Variants in CFAP77 observed in about 807,000 individuals in gnomAD.
The protein encoded by CFAP77 is cilia- and flagella-associated protein 77.
A neutral mutation model predicts 31.1 loss-of-function variants in CFAP77; 25 were observed. That is an observed-to-expected ratio of 0.80 (90% CI 0.59 to 1.12). The LOEUF (loss-of-function observed/expected upper bound fraction) is 1.12. Ranked by LOEUF, CFAP77 falls within the 50% of genes most tolerant of loss-of-function variation. The pLI is 0.00. For synonymous variants in CFAP77, 151 were observed against 159.9 expected (o/e 0.94, Z 0.42); for missense variants, 377 against 397.3 (o/e 0.95, Z 0.44).
intron 1 of CFAP77, among the ~76,000 whole-genome samples, chr9:132,470,344 G>A (rs1326084427): frequency 6.6e-6 from 1 of 152,194 alleles, no homozygotes; most frequent in East Asian, 1.9e-4. Flanking sequence ...GGCTCAGCAG[G>A]TTGCGCCTTA....
rs1477135165 is a variant in CFAP77, at chr9:132,499,727, ACT to A, written c.524+134_524+135del. On this transcript the variant is annotated intron_variant, in intron 3 of 5. Transcript: ENST00000393216. The surrounding 1 kb of genome is among the most constrained non-coding windows in gnomAD (Gnocchi z 5.4). ...CAGCCCCACTGTCCTCTCTTCAATGACTCTCTCTTGTGTGACCTCTATAGCCA... is the reference window on the plus strand; with the variant it reads ...CAGCCCCACTGTCCTCTCTTCAATGACTCTCTTGTGTGACCTCTATAGCCA... The A allele has an allele frequency of 4.8e-6, 4 of 831,976 alleles. 1 individual carries two copies. The highest frequency in any genetic ancestry group is 4.4e-5 in the Admixed American group (2 of 45,924). 51.5% of individuals were successfully genotyped at this position (831,976 alleles called of 1,614,324 possible). A position where few individuals can be genotyped will look rare whatever the true frequency, so the allele number is the denominator to read the frequency against.
chr9:132,486,604 C>T (rs1157701959), intron 1 of CFAP77, among the ~76,000 whole-genome samples: 2 of 152,360 alleles, frequency 1.3e-5, no homozygotes, highest in African/African-American at 4.8e-5. Flanking sequence ...TCCAACCTCT[C>T]ACGTTCGCCT....
At chr9:132,415,244 C>A (rs896539142) in intron 1 of CFAP77, among the ~76,000 whole-genome samples, 1 of 152,146 alleles carries the variant, frequency 6.6e-6, no homozygotes, top group Non-Finnish European at 1.5e-5. Context: ...TGGGTTGATC[C>A]ATCCTTACAA....
At chr9:132,555,675 A>G (rs1852891762) in intron 5 of CFAP77, among the ~76,000 whole-genome samples, 1 of 152,142 alleles carries the variant, frequency 6.6e-6, no homozygotes, top group Non-Finnish European at 1.5e-5. Context: ...TCCCAGCCCA[A>G]TCCTTCATCA....
At chr9:132,465,435 C>T (rs1410256766) in intron 1 of CFAP77, among the ~76,000 whole-genome samples, 2 of 152,138 alleles carry the variant, frequency 1.3e-5, no homozygotes, top group South Asian at 2.1e-4. Context: ...GAGTATGATA[C>T]AGCCAGGAAA....
At position 132,552,869 on chromosome 9, in the gene CFAP77, G is replaced by A. The variant is rs531730931; in HGVS notation, c.732+9822G>A. Among the ~76,000 whole-genome samples the A allele has an allele frequency of 5.3e-5, 8 of 152,230 alleles. No individual in the cohort carries two copies. The highest frequency in any genetic ancestry group is 1.9e-4 in the East Asian group (1 of 5,182). On this transcript the variant is annotated intron_variant, in intron 5 of 5. Transcript: ENST00000393216. The surrounding 1 kb of genome is among the most constrained non-coding windows in gnomAD (Gnocchi z 5.5). ...TATGTGTTTACTGTGGCAGGTGGATGTATTTTCATATGTTTGACATGAGGC... is the reference window on the plus strand; with the variant it reads ...TATGTGTTTACTGTGGCAGGTGGATATATTTTCATATGTTTGACATGAGGC...
In CFAP77 at chr9:132,455,441, G is replaced by C. The variant is rs946674062; in HGVS notation, c.196-43254G>C. On this transcript the variant is annotated intron_variant, in intron 1 of 5. Transcript: ENST00000393216. This position sits in a 1 kb window ranked among gnomAD's most constrained non-coding sequence, Gnocchi z 4.1. ...GAGGACTGCTTGAAACCAGGAGGTG[G>C]AGGTTGCGGTGAGCTGAGATCGTGC... Among the ~76,000 whole-genome samples, 1 of 151,926 alleles carries C rather than the reference G, an allele frequency of 6.6e-6. No individual in the cohort carries two copies. Among genetic ancestry groups the C allele is most frequent in the South Asian group, 2.1e-4 (1 of 4,788 alleles).
rs889839631 is a variant in CFAP77 at position 132,490,059 on chromosome 9, C to G, written c.196-8636C>G. Among the ~76,000 whole-genome samples, 1 of 152,120 alleles carries G rather than the reference C, an allele frequency of 6.6e-6. No homozygotes were observed. Among genetic ancestry groups the G allele is most frequent in the Non-Finnish European group, 1.5e-5 (1 of 68,014 alleles). Reference sequence around the variant, plus strand: ...CTGGTGAGAGCCTAGTCTTTGCTTCCAAGATGGTGCCTTGGTGCTGTATCC... The same window carrying G: ...CTGGTGAGAGCCTAGTCTTTGCTTCGAAGATGGTGCCTTGGTGCTGTATCC... On this transcript the variant is annotated intron_variant, in intron 1 of 5. Coordinates refer to ENST00000393216, the MANE Select transcript of CFAP77 (RefSeq NM_001282957.2). This position sits in a 1 kb window ranked among gnomAD's most constrained non-coding sequence, Gnocchi z 4.6.
intron 1 of CFAP77, among the ~76,000 whole-genome samples, chr9:132,414,119 T>C (rs1850057337): frequency 6.6e-6 from 1 of 152,212 alleles, no homozygotes; most frequent in Non-Finnish European, 1.5e-5. Flanking sequence ...AATTAACCAA[T>C]GACAATCCAG....
chr9:132,440,100 G>T (rs1850590358), intron 1 of CFAP77, among the ~76,000 whole-genome samples: 1 of 152,084 alleles, frequency 6.6e-6, no homozygotes, highest in Non-Finnish European at 1.5e-5. Context: ...GGAGGCCGAG[G>T]CGAGGGGATC....
chr9:132,520,682 T>G (rs915107256), intron 3 of CFAP77, among the ~76,000 whole-genome samples: 1 of 152,222 alleles, frequency 6.6e-6, no homozygotes, highest in Non-Finnish European at 1.5e-5. Context: ...AAGTCTCTCA[T>G]GTCCCTTCTC....
rs577069588 is a variant in CFAP77, at chr9:132,497,371, C to A, written c.196-1324C>A. ...ACAGCGAGGCCAGAGCCCACCAGACCCTCTGGACAGTCTTTGGCGCAGCCA... is the reference window on the plus strand; with the variant it reads ...ACAGCGAGGCCAGAGCCCACCAGACACTCTGGACAGTCTTTGGCGCAGCCA... On this transcript the variant is annotated intron_variant, in intron 1 of 5. Coordinates refer to ENST00000393216, the MANE Select transcript of CFAP77 (RefSeq NM_001282957.2). This position sits in a 1 kb window ranked among gnomAD's most constrained non-coding sequence, Gnocchi z 4.9. Among the ~76,000 whole-genome samples the A allele has an allele frequency of 3.9e-5, 6 of 152,344 alleles. No individual in the cohort carries two copies. In the East Asian group the frequency reaches 1.2e-3, roughly 29 times the overall value.
At chr9:132,415,549 T>C (rs1480028954) in intron 1 of CFAP77, among the ~76,000 whole-genome samples, 1 of 152,228 alleles carries the variant, frequency 6.6e-6, no homozygotes, top group African/African-American at 2.4e-5. Context: ...AGGTTCCTCC[T>C]GTTGAACTCA....
At chr9:132,419,139 A>G (rs916454372) in intron 1 of CFAP77, among the ~76,000 whole-genome samples, 15 of 152,224 alleles carry the variant, frequency 9.9e-5, no homozygotes, top group Non-Finnish European at 2.1e-4. Context: ...GATTGTGGAA[A>G]ACACATAATG....
intron 1 of CFAP77, among the ~76,000 whole-genome samples, chr9:132,442,670 C>T (rs1001817395): frequency 5.4e-5 from 8 of 148,258 alleles, no homozygotes; most frequent in African/African-American, 1.2e-4. Flanking sequence ...TTTTTTTCAT[C>T]GAGGCAAAAT....
intron 1 of CFAP77, among the ~76,000 whole-genome samples, chr9:132,453,579 T>A (rs1158728129): frequency 3.3e-5 from 5 of 152,156 alleles, no homozygotes; most frequent in Non-Finnish European, 7.4e-5. Context: ...TGGAAGGAAA[T>A]ATATATCATG....
Position 132,517,762 on chromosome 9 carries a change from C to T in CFAP77, c.524+18162C>T, listed in dbSNP as rs768593108. On this transcript the variant is annotated intron_variant, in intron 3 of 5. Coordinates refer to ENST00000393216, the MANE Select transcript of CFAP77 (RefSeq NM_001282957.2). The surrounding 1 kb of genome is among the most constrained non-coding windows in gnomAD (Gnocchi z 4.7). ...ATCAGAGCTGTCAGCCCTCATCCCC[C>T]GCACACACAAAGTGTCAGCCTAATG... Among the ~76,000 whole-genome samples, 12 of 152,252 alleles carry T rather than the reference C, an allele frequency of 7.9e-5. No homozygotes were observed. The highest frequency in any genetic ancestry group is 1.2e-4 in the Non-Finnish European group (8 of 68,048).
At chr9:132,410,769 T>A (rs563687699) in intron 1 of CFAP77, among the ~76,000 whole-genome samples, 1 of 152,284 alleles carries the variant, frequency 6.6e-6, no homozygotes, top group East Asian at 1.9e-4. Flanking sequence ...AAGGCTGCAA[T>A]GGGTGCTGCT....
intron 5 of CFAP77, among the ~76,000 whole-genome samples, chr9:132,570,958 A>AG (rs1212954103): frequency 1.3e-5 from 2 of 152,016 alleles, no homozygotes; most frequent in Non-Finnish European, 2.9e-5. Flanking sequence ...ACACAGTCCG[A>AG]GGGGGATTCC....
Sources: allele counts gnomAD v4.1 joint callset (sites outside exome capture counted in the v4.1 genomes callset), GRCh38; gene constraint gnomAD v4.1.1; non-coding constraint Gnocchi (gnomAD v3.1); transcripts MANE v1.5; gene names NCBI Gene and HGNC (gene_info 2026-07-23, HGNC 2026-07-21).